The following BTRC variants were observed in gnomAD, a reference collection of about 807,000 sequenced individuals.
The protein encoded by BTRC is beta-transducin repeat containing E3 ubiquitin protein ligase, also known as F-box/WD repeat-containing protein 1A.
In BTRC, 42 loss-of-function variants were observed where a neutral mutation model predicts 85.5. The ratio of observed to expected loss-of-function variants is 0.49; its 90% CI spans 0.38 to 0.64. The LOEUF (loss-of-function observed/expected upper bound fraction) is 0.64, where lower values mean the gene tolerates loss of function less well. Ranked by LOEUF, BTRC falls within the 30% of genes least tolerant of loss-of-function variation. The pLI is 0.00. For missense variants in BTRC, 594 were observed against 743.5 expected (o/e 0.80, Z 2.34); for synonymous variants, 255 against 263.3 (o/e 0.97, Z 0.30).
rs531642585 is a variant in BTRC at position 101,533,222 on chromosome 10, G to C, written c.1097+152G>C. 49 of 518,238 alleles carry C rather than the reference G, an allele frequency of 9.5e-5. 1 individual carries two copies. Among genetic ancestry groups the C allele is most frequent in the Admixed American group, 3.1e-4 (10 of 32,750 alleles). 32.1% of individuals were successfully genotyped at this position (518,238 alleles called of 1,614,324 possible). ...CATCATTTCTGTCAGTCTAGAACTA[G>C]AAAACTTGATTTAGAAATGCTTGAG... is the stretch of plus-strand genomic sequence containing the variant. On this transcript the variant is annotated intron_variant, in intron 9 of 14. Coordinates refer to ENST00000370187, the MANE Select transcript of BTRC (RefSeq NM_033637.4).
At chr10:101,424,230 G>A (rs1277600250) in intron 1 of BTRC, among the ~76,000 whole-genome samples, 2 of 151,872 alleles carry the variant, frequency 1.3e-5, no homozygotes, top group Non-Finnish European at 2.9e-5. Context: ...GTAAAACTCT[G>A]TCTCAAAGAA....
Position 101,477,793 on chromosome 10 carries a change from G to A in BTRC, c.235-1575G>A, listed in dbSNP as rs565431390. Among the ~76,000 whole-genome samples the A allele has an allele frequency of 5.3e-5, 8 of 152,048 alleles. No individual in the cohort carries two copies. In the South Asian group the frequency reaches 1.7e-3, roughly 32 times the overall value. Reference sequence around the variant, plus strand: ...GCCTCCTGAGTAGCTGGAACTACAGGCACCCACCACCATGCCTGGCTAATA... The same window carrying A: ...GCCTCCTGAGTAGCTGGAACTACAGACACCCACCACCATGCCTGGCTAATA... On this transcript the variant is annotated intron_variant, in intron 3 of 14. Coordinates refer to ENST00000370187, the MANE Select transcript of BTRC (RefSeq NM_033637.4).
chr10:101,443,692 A>C (rs1430273306), intron 2 of BTRC, among the ~76,000 whole-genome samples: 1 of 152,146 alleles, frequency 6.6e-6, no homozygotes, highest in East Asian at 1.9e-4. Flanking sequence ...CTTCATTGTG[A>C]GATTGAGGTA....
intron 4 of BTRC, among the ~76,000 whole-genome samples, chr10:101,508,955 A>G (rs1389916455): frequency 6.6e-6 from 1 of 150,662 alleles, no homozygotes; most frequent in Admixed American, 6.6e-5. Context: ...AGAATGTTAA[A>G]AGTTATTATC....
rs116445780 is a variant in BTRC, at chr10:101,532,561, C to T, written c.978+129C>T. On this transcript the variant is annotated intron_variant, in intron 8 of 14. Transcript: ENST00000370187. ...GTGAAGATTTTAGATTGTTTCCAGTCCCAAAGCCAAAATCATTTCCTTAAA... is the reference window on the plus strand; with the variant it reads ...GTGAAGATTTTAGATTGTTTCCAGTTCCAAAGCCAAAATCATTTCCTTAAA... 122 of 1,243,966 alleles carry T rather than the reference C, an allele frequency of 9.8e-5. No individual in the cohort carries two copies. The African/African-American group carries it at 1.6e-3, about 16-fold the overall frequency. 77.1% of individuals were successfully genotyped at this position (1,243,966 alleles called of 1,614,324 possible). A position where few individuals can be genotyped will look rare whatever the true frequency, so the allele number is the denominator to read the frequency against.
chr10:101,464,584 A>T (rs925126894), intron 3 of BTRC, among the ~76,000 whole-genome samples: 23 of 115,802 alleles, frequency 2.0e-4, no homozygotes, highest in Admixed American at 2.7e-4. Flanking sequence ...AATATCTGTC[A>T]TTCAGTGTTG....
intron 6 of BTRC, among the ~76,000 whole-genome samples, chr10:101,530,764 CTT>C (rs776026125): frequency 6.1e-4 from 93 of 152,234 alleles, no homozygotes; most frequent in Non-Finnish European, 1.0e-3. Context: ...GAAGGTTACT[CTT>C]TGACATGGGA....
At chr10:101,420,450 T>C (rs1392240511) in intron 1 of BTRC, among the ~76,000 whole-genome samples, 1 of 150,704 alleles carries the variant, frequency 6.6e-6, no homozygotes, top group Non-Finnish European at 1.5e-5. Flanking sequence ...GACCACTGCC[T>C]CTCCCTCTCT....
intron 1 of BTRC, among the ~76,000 whole-genome samples, chr10:101,418,502 A>T (rs373373487): frequency 3.1e-5 from 2 of 64,766 alleles, no homozygotes; most frequent in African/African-American, 7.5e-5. Context: ...ATGAATACTT[A>T]ATACTTATTT....
At position 101,406,518 on chromosome 10, in the gene BTRC, A is replaced by G. The variant is rs1320952013; in HGVS notation, c.49-23827A>G. ...ACTTTCATGTTAACATAGCCATCTC[A>G]GGTTTCTTTTTTTTTTTTTTTTTTT... On this transcript the variant is annotated intron_variant, in intron 1 of 14. Transcript: ENST00000370187. Among the ~76,000 whole-genome samples, 8 of 113,690 alleles carry G rather than the reference A, an allele frequency of 7.0e-5. No individual in the cohort carries two copies. The South Asian group carries it at 9.1e-4, about 13-fold the overall frequency. 74.6% of individuals were successfully genotyped at this position (113,690 alleles called of 152,430 possible).
intron 4 of BTRC, among the ~76,000 whole-genome samples, chr10:101,500,273 C>T (rs1946369348): frequency 6.6e-6 from 1 of 152,072 alleles, no homozygotes; most frequent in Non-Finnish European, 1.5e-5. Context: ...TGTCAGCATA[C>T]TGAATACTGT....
At chr10:101,382,284 C>T (rs1206500170) in intron 1 of BTRC, among the ~76,000 whole-genome samples, 6 of 151,738 alleles carry the variant, frequency 4.0e-5, no homozygotes, top group African/African-American at 1.2e-4. Context: ...CGTCCGGCCC[C>T]TAAGAATGTC....
intron 2 of BTRC, among the ~76,000 whole-genome samples, chr10:101,433,952 A>G (rs1944463041): frequency 1.3e-5 from 2 of 152,172 alleles, no homozygotes; most frequent in African/African-American, 4.8e-5. Flanking sequence ...TGTAATAGGA[A>G]TTAAGAAAAA....
At chr10:101,497,815 A>G (rs1032262241) in intron 4 of BTRC, among the ~76,000 whole-genome samples, 7 of 152,178 alleles carry the variant, frequency 4.6e-5, no homozygotes, top group African/African-American at 1.2e-4. Context: ...AGGTCAAGAG[A>G]TCAAGAACAT....
chr10:101,517,781 C>T (rs907446844), intron 4 of BTRC, among the ~76,000 whole-genome samples: 3 of 152,150 alleles, frequency 2.0e-5, no homozygotes, highest in African/African-American at 7.2e-5. Flanking sequence ...CATATCCAGT[C>T]GATCAGCAAA....
At chr10:101,535,198 G>C (rs1483121845) in intron 10 of BTRC, among the ~76,000 whole-genome samples, 156 bp from the exon 11 acceptor site, 5 of 152,174 alleles carry the variant, frequency 3.3e-5, no homozygotes. Context: ...ATTAGCCTCT[G>C]TTACCATGAA....
rs1294599111 is a variant in BTRC, at chr10:101,555,701, T to C, written c.*2578T>C. Reference sequence around the variant, plus strand: ...AACTGGGCTAGAATAAATGTAAAGTTTGACCTTTTTAAAACGAAAAGAGAG... The same window carrying C: ...AACTGGGCTAGAATAAATGTAAAGTCTGACCTTTTTAAAACGAAAAGAGAG... On this transcript the variant is annotated 3_prime_UTR_variant, in exon 15 of 15. Coordinates refer to ENST00000370187, the MANE Select transcript of BTRC (RefSeq NM_033637.4). The C allele has an allele frequency of 6.6e-6, 1 of 152,660 alleles. No homozygotes were observed. Among genetic ancestry groups the C allele is most frequent in the Non-Finnish European group, 1.5e-5 (1 of 68,052 alleles). 9.5% of individuals were successfully genotyped at this position (152,660 alleles called of 1,614,324 possible). A position where few individuals can be genotyped will look rare whatever the true frequency, so the allele number is the denominator to read the frequency against.
At position 101,521,650 on chromosome 10, in the gene BTRC, C is replaced by G. The variant is rs748412573; in HGVS notation, c.336C>G (p.Ala112=). The change falls in exon 5 of 15, where the codon GCC becomes GCG. Residue 112 remains alanine, a synonymous_variant. Transcript: ENST00000370187. ...TENCVAKTKL[A]NGTSSMIVPK... ...ACCCCCTTCTACAGACAAAACTTGC[C>G]AATGGCACTTCCAGTATGATTGTGC... is the stretch of plus-strand genomic sequence containing the variant. 1.2e-6 allele frequency: 2 copies of G among 1,613,494 alleles called. No individual in the cohort carries two copies. The highest frequency in any genetic ancestry group is 4.5e-5 in the East Asian group (2 of 44,884).
At chr10:101,458,229 C>G (rs117162006) in intron 2 of BTRC, among the ~76,000 whole-genome samples, 1,591 of 152,200 alleles carry the variant, frequency 0.01, 11 homozygotes, top group Non-Finnish European at 0.016. Context: ...GAGTAGATCT[C>G]AGATATTTTA....
Sources: allele counts gnomAD v4.1 joint callset (sites outside exome capture counted in the v4.1 genomes callset), GRCh38; gene constraint gnomAD v4.1.1; transcripts MANE v1.5; gene names NCBI Gene and HGNC (gene_info 2026-07-23, HGNC 2026-07-21).